ASPH: variants seen among roughly 807,000 people sequenced by gnomAD.
ASPH encodes aspartate beta-hydroxylase, also known as aspartyl/asparaginyl beta-hydroxylase.
A neutral mutation model predicts 118.4 loss-of-function variants in ASPH; 100 were observed. That is an observed-to-expected ratio of 0.84 (90% CI 0.72 to 1.00). ASPH has a LOEUF of 1.00. Ranked by LOEUF, ASPH falls within the 50% of genes least tolerant of loss-of-function variation. ASPH has a pLI of 0.00. For missense variants in ASPH, 920 were observed against 919.5 expected, an observed-to-expected ratio of 1.00 and a Z score of -0.01; for synonymous variants, 315 against 325.6, an observed-to-expected ratio of 0.97 and a Z score of 0.35.
At chr8:61,603,611 T>TGACCATTTTCA (rs1844745322) in intron 14 of ASPH, among the ~76,000 whole-genome samples, 1 of 152,370 alleles carries the variant, frequency 6.6e-6, no homozygotes, top group Non-Finnish European at 1.5e-5. Context: ...ACACAATGTG[T>TGACCATTTTCA]GACCATTTTC....
intron 24 of ASPH, among the ~76,000 whole-genome samples, chr8:61,508,129 C>T (rs974458613): frequency 2.6e-5 from 4 of 152,226 alleles, no homozygotes; most frequent in African/African-American, 9.6e-5. Flanking sequence ...ATCCTCCCAC[C>T]TCAGTCTCCC....
At chr8:61,544,750 C>A (rs912084857) in intron 21 of ASPH, among the ~76,000 whole-genome samples, 4 of 152,140 alleles carry the variant, frequency 2.6e-5, no homozygotes, top group African/African-American at 9.7e-5. Context: ...TTTTTGAGAA[C>A]CCATCATGTA....
At chr8:61,555,481 A>G (rs537519892) in intron 19 of ASPH, among the ~76,000 whole-genome samples, 1 of 152,140 alleles carries the variant, frequency 6.6e-6, no homozygotes, top group Non-Finnish European at 1.5e-5. Context: ...TTTAGTAGAG[A>G]CAGGGATTCA....
intron 3 of ASPH, among the ~76,000 whole-genome samples, chr8:61,673,269 G>T (rs1314847673): frequency 6.6e-6 from 1 of 152,114 alleles, no homozygotes; most frequent in Non-Finnish European, 1.5e-5. Context: ...CCTCAGGACT[G>T]GGTAAAATTG....
intron 3 of ASPH, chr8:61,676,152 C>G (rs763717344): frequency 6.3e-7 from 1 of 1,599,476 alleles, no homozygotes; most frequent in East Asian, 2.2e-5. Context: ...TCAACACCAT[C>G]TGCGGTTTCG....
At chr8:61,586,078 C>T (rs2132663118) in intron 14 of ASPH, among the ~76,000 whole-genome samples, 1 of 152,276 alleles carries the variant, frequency 6.6e-6, no homozygotes. Flanking sequence ...ACATTTGACA[C>T]AGTTGATGCC....
intron 24 of ASPH, among the ~76,000 whole-genome samples, chr8:61,507,253 T>C (rs1477309376): frequency 6.6e-6 from 1 of 152,180 alleles, no homozygotes; most frequent in Non-Finnish European, 1.5e-5. Context: ...TCCAGATACA[T>C]TAAGTACAAT....
intron 3 of ASPH, among the ~76,000 whole-genome samples, chr8:61,672,679 C>T (rs186842101): frequency 7.0e-4 from 107 of 152,228 alleles, no homozygotes; most frequent in African/African-American, 2.5e-3. Flanking sequence ...GATCTGGTTC[C>T]TAGTTTCAAG....
In ASPH at chr8:61,553,024, C is replaced by T; in HGVS notation, c.1626+7G>A. ...TAGAGAGAATCAGAAATTCATATAC[C>T]CATTACCTCTTTGTTCCCAACCCTC... On this transcript the variant is annotated splice_region_variant and intron_variant, in intron 20 of 24. Transcript: ENST00000379454. The T allele has an allele frequency of 6.3e-7, 1 of 1,598,494 alleles. No individual in the cohort carries two copies. The highest frequency in any genetic ancestry group is 1.1e-5 in the South Asian group (1 of 90,686).
chr8:61,681,058 G>A (rs1464699924), intron 2 of ASPH, 22 bp from the exon 3 acceptor site: 1 of 1,539,092 alleles, frequency 6.5e-7, no homozygotes, highest in African/African-American at 1.4e-5. Context: ...CAGAAATGAT[G>A]GATATGGGAA....
At chr8:61,693,957 C>T (rs545862062) in intron 1 of ASPH, among the ~76,000 whole-genome samples, 3 of 152,134 alleles carry the variant, frequency 2.0e-5, no homozygotes, top group Admixed American at 1.3e-4. Flanking sequence ...GCTGGGCTCA[C>T]GGAATCAAGA....
At chr8:61,597,728 A>T (rs575012890) in intron 14 of ASPH, among the ~76,000 whole-genome samples, 2 of 152,334 alleles carry the variant, frequency 1.3e-5, no homozygotes, top group African/African-American at 4.8e-5. Context: ...ATAAAATGAC[A>T]TTTTCAAAGA....
At chr8:61,666,534 G>A (rs1339768816) in intron 3 of ASPH, among the ~76,000 whole-genome samples, 1 of 152,148 alleles carries the variant, frequency 6.6e-6, no homozygotes, top group Non-Finnish European at 1.5e-5. Context: ...AAATGTGAAA[G>A]ATGTTTTTGC....
intron 3 of ASPH, chr8:61,664,729 G>A: frequency 2.0e-6 from 2 of 986,120 alleles, no homozygotes; most frequent in Non-Finnish European, 2.4e-6. Context: ...CCCCTGAAAG[G>A]CTGCGGGAGG....
At chr8:61,650,541 C>T (rs1002805441) in intron 5 of ASPH, among the ~76,000 whole-genome samples, 2 of 152,280 alleles carry the variant, frequency 1.3e-5, no homozygotes, top group South Asian at 2.1e-4. Flanking sequence ...TTAGTATCCT[C>T]TACACAGAGC....
At chr8:61,539,661 C>T (rs3922836) in intron 21 of ASPH, among the ~76,000 whole-genome samples, 42,153 of 146,724 alleles carry the variant, frequency 0.29, 8,281 homozygotes, top group African/African-American at 0.54. Context: ...AGTTAACAAC[C>T]GCCTGACCAT....
rs557489576 is a variant in ASPH at position 61,627,596 on chromosome 8, T to G, written c.934+6087A>C. Among the ~76,000 whole-genome samples, 10 of 152,196 alleles carry G rather than the reference T, an allele frequency of 6.6e-5. No individual in the cohort carries two copies. In the South Asian group the frequency reaches 1.0e-3, roughly 16 times the overall value. Reference sequence around the variant, plus strand: ...AATAGAAAAAGTTTATTTAAATGAGTTTTAGATTCTCTTGGCATTCAACAA... The same window carrying G: ...AATAGAAAAAGTTTATTTAAATGAGGTTTAGATTCTCTTGGCATTCAACAA... On this transcript the variant is annotated intron_variant, in intron 13 of 24. Coordinates refer to ENST00000379454, the MANE Select transcript of ASPH (RefSeq NM_004318.4).
chr8:61,628,140 T>C (rs1036990567), intron 13 of ASPH, among the ~76,000 whole-genome samples: 2 of 151,748 alleles, frequency 1.3e-5, no homozygotes, highest in African/African-American at 2.4e-5. Context: ...CAGTGACTTC[T>C]TGTCATTTTT....
chr8:61,602,767 A>C (rs1844414302), intron 14 of ASPH, among the ~76,000 whole-genome samples: 1 of 148,228 alleles, frequency 6.7e-6, no homozygotes, highest in African/African-American at 2.7e-5. Context: ...TGAGGGTTTT[A>C]CAGTTTCATA....
Sources: gnomAD v4.1 joint callset for allele counts (sites outside exome capture counted in the v4.1 genomes callset) on GRCh38, gnomAD v4.1.1 for gene constraint, MANE v1.5 for transcripts, NCBI Gene and HGNC (gene_info 2026-07-23, HGNC 2026-07-21) for gene names.